The following RASSF5 variants were observed in gnomAD, a reference collection of about 807,000 sequenced individuals.
RASSF5 encodes the protein Ras association domain family member 5, also known as ras association domain-containing protein 5.
RASSF5 carries 25 observed loss-of-function variants against 40.5 expected under a neutral mutation model. The observed-to-expected ratio is 0.62, with a 90% CI of 0.45 to 0.86. The LOEUF (loss-of-function observed/expected upper bound fraction) is 0.86. Among genes scored for constraint, RASSF5 ranks in the 40% least tolerant of loss-of-function variants. The pLI is 0.00. For missense variants in RASSF5, 521 were observed against 572.8 expected, an observed-to-expected ratio of 0.91 and a Z score of 0.92; for synonymous variants, 246 against 252.4, an observed-to-expected ratio of 0.97 and a Z score of 0.24.
At chr1:206,557,829 G>T (rs917461067) in intron 2 of RASSF5, 6 of 913,798 alleles carry the variant, frequency 6.6e-6, no homozygotes, top group South Asian at 6.1e-5. Flanking sequence ...TGCCCTGAGG[G>T]CTGAGCATCG....
intron 1 of RASSF5, among the ~76,000 whole-genome samples, chr1:206,523,567 G>A (rs2103509417): frequency 1.2e-5 from 1 of 83,864 alleles, no homozygotes; most frequent in African/African-American, 5.1e-5. Context: ...CTCTAGCCTG[G>A]GTGACAGAGC....
At chr1:206,510,121 A>G (rs1439665890) in intron 1 of RASSF5, among the ~76,000 whole-genome samples, 2 of 152,250 alleles carry the variant, frequency 1.3e-5, no homozygotes, top group Non-Finnish European at 2.9e-5. Flanking sequence ...TCTGATGTGC[A>G]GATGAGGGCT....
At chr1:206,520,309 AGAAAATGG>A (rs1368150734) in intron 1 of RASSF5, among the ~76,000 whole-genome samples, 1 of 152,222 alleles carries the variant, frequency 6.6e-6, no homozygotes, top group East Asian at 1.9e-4. Context: ...GTGGCATTTA[AGAAAATGG>A]GTTTGGTGGC....
chr1:206,586,919 G>C lies in RASSF5; in HGVS notation c.1198G>C (p.Asp400His). The C allele has an allele frequency of 1.9e-6, 3 of 1,614,200 alleles. No individual in the cohort carries two copies. The highest frequency in any genetic ancestry group is 2.5e-6 in the Non-Finnish European group (3 of 1,180,024). The change falls in exon 6 of 6, where the codon GAC (aspartate) becomes CAC (histidine). Residue 400 changes from aspartate (D) to histidine (H), a missense_variant. Asp to His is a moderately conservative substitution (Grantham distance 81, BLOSUM62 -1). Coordinates refer to ENST00000579436, the MANE Select transcript of RASSF5 (RefSeq NM_182663.4). ...DKIQQVQKKY[D>H]KFRQKLEEAL... Reference sequence around the variant, plus strand: ...AATCCAACAAGTGCAAAAGAAGTATGACAAGTTTAGGCAGAAACTGGAGGA... The same window carrying C: ...AATCCAACAAGTGCAAAAGAAGTATCACAAGTTTAGGCAGAAACTGGAGGA...
intron 1 of RASSF5, among the ~76,000 whole-genome samples, chr1:206,518,718 C>CT (rs1173725238): frequency 6.6e-6 from 1 of 152,148 alleles, no homozygotes; most frequent in African/African-American, 2.4e-5. Flanking sequence ...GTGCTGTCAC[C>CT]TTGCCTGGTA....
chr1:206,528,800 G>A, intron 1 of RASSF5: 1 of 365,144 alleles, frequency 2.7e-6, no homozygotes, highest in East Asian at 4.4e-5. Flanking sequence ...CACTTTGGGA[G>A]ACTGAGGCAG....
rs1452767890 is a variant in RASSF5, at chr1:206,535,528, A to G, written c.458-2644A>G. 6.6e-6 allele frequency among the ~76,000 whole-genome samples: 1 copy of G among 152,150 alleles called. No homozygotes were observed. The highest frequency in any genetic ancestry group is 1.5e-5 in the Non-Finnish European group (1 of 68,022). On this transcript the variant is annotated intron_variant, in intron 1 of 5. Transcript: ENST00000579436. This position sits in a 1 kb window ranked among gnomAD's most constrained non-coding sequence, Gnocchi z 5.0. ...GGCATTTCCAGGACGAGGAAGTATG[A>G]AGATGTGCTTCAGAGGTTTTGCTGC...
At chr1:206,537,577 G>A (rs1170984533) in intron 1 of RASSF5, among the ~76,000 whole-genome samples, 1 of 152,108 alleles carries the variant, frequency 6.6e-6, no homozygotes, top group Non-Finnish European at 1.5e-5. Flanking sequence ...ACTTTTTTCA[G>A]ATTTGGGAAT....
rs370898662 is a variant in RASSF5, at chr1:206,584,695, G to A, written c.988+11G>A. The A allele has an allele frequency of 1.9e-6, 3 of 1,614,140 alleles. No individual in the cohort carries two copies. ...ACAAGGACGGACAAGGTAGGAGAAA[G>A]AGTGAACCCAACCAGACCGTTCCCT... On this transcript the variant is annotated intron_variant, in intron 4 of 5. Transcript: ENST00000579436. This position sits in a 1 kb window ranked among gnomAD's most constrained non-coding sequence, Gnocchi z 4.9.
chr1:206,552,549 TG>T lies in RASSF5; in HGVS notation c.579+14259del, dbSNP rs1667867934. 6.6e-6 allele frequency among the ~76,000 whole-genome samples: 1 copy of T among 152,164 alleles called. No homozygotes were observed. Among genetic ancestry groups the T allele is most frequent in the African/African-American group, 2.4e-5 (1 of 41,442 alleles). ...CTGGAGATGGGTGTGAACTGTTGGC[TG>T]GGTGTGCACCGTGAAGGGTCTTGAA... On this transcript the variant is annotated intron_variant, in intron 2 of 5. Transcript: ENST00000579436. This position sits in a 1 kb window ranked among gnomAD's most constrained non-coding sequence, Gnocchi z 4.1.
intron 1 of RASSF5, among the ~76,000 whole-genome samples, chr1:206,524,663 T>G (rs1420772855): frequency 2.0e-4 from 26 of 133,078 alleles, no homozygotes; most frequent in Non-Finnish European, 2.9e-4. Flanking sequence ...TTATGTATAA[T>G]ATATATTATA....
Position 206,584,673 on chromosome 1 carries a change from A to AG in RASSF5, c.979dup (p.Asp327GlyfsTer13), listed in dbSNP as rs1553407192. On this transcript the variant is annotated frameshift_variant, in exon 4 of 6. Transcript: ENST00000579436. LOFTEE classifies it high-confidence loss of function. The surrounding 1 kb of genome is among the most constrained non-coding windows in gnomAD (Gnocchi z 4.9). ...TTTGCACTTTTTAAGCGGATACACA[A>AG]GGACGGACAAGGTAGGAGAAAGAGT... 3.7e-6 allele frequency: 6 copies of AG among 1,614,224 alleles called. No individual in the cohort carries two copies. In the East Asian group the frequency reaches 1.1e-4, roughly 30 times the overall value.
intron 1 of RASSF5, among the ~76,000 whole-genome samples, chr1:206,532,784 TGG>T (rs1458118766): frequency 1.3e-5 from 2 of 152,168 alleles, no homozygotes; most frequent in Non-Finnish European, 2.9e-5. Flanking sequence ...CACCTTGGCC[TGG>T]GCTGGAGGAG....
chr1:206,557,225 C>T, intron 2 of RASSF5: 1 of 1,081,016 alleles, frequency 9.3e-7, no homozygotes, highest in Non-Finnish European at 1.1e-6. Flanking sequence ...GGAGATGGCG[C>T]TCTGCACGGC....
intron 2 of RASSF5, among the ~76,000 whole-genome samples, chr1:206,547,469 T>G (rs1490318640): frequency 6.6e-6 from 1 of 151,868 alleles, no homozygotes; most frequent in Non-Finnish European, 1.5e-5. Context: ...GTGCTCCTTA[T>G]GAGAATCTAA....
At chr1:206,530,738 C>T (rs1667218760) in intron 1 of RASSF5, among the ~76,000 whole-genome samples, 2 of 152,226 alleles carry the variant, frequency 1.3e-5, no homozygotes, top group South Asian at 2.1e-4. Flanking sequence ...CAGGGTTACC[C>T]CTTACAGACT....
rs999224565 is a variant in RASSF5 at position 206,513,654 on chromosome 1, C to T, written c.457+5595C>T. ...AAGGGCTGGCGGCAGCTGGGAAGGC[C>T]GGGCCTGACTGGGGAGATGGTTTTG... On this transcript the variant is annotated intron_variant, in intron 1 of 5. Transcript: ENST00000579436. The surrounding 1 kb of genome is among the most constrained non-coding windows in gnomAD (Gnocchi z 5.0). Among the ~76,000 whole-genome samples the T allele has an allele frequency of 6.6e-6, 1 of 152,198 alleles. No homozygotes were observed. Among genetic ancestry groups the T allele is most frequent in the African/African-American group, 2.4e-5 (1 of 41,444 alleles).
intron 2 of RASSF5, among the ~76,000 whole-genome samples, chr1:206,546,487 C>T (rs782215652): frequency 6.6e-5 from 10 of 152,054 alleles, no homozygotes; most frequent in Non-Finnish European, 1.5e-4. Flanking sequence ...TTCTTTTGGA[C>T]TACTTGAATG....
intron 1 of RASSF5, among the ~76,000 whole-genome samples, chr1:206,533,627 C>A (rs1182735563): frequency 6.6e-6 from 1 of 152,040 alleles, no homozygotes; most frequent in African/African-American, 2.4e-5. Context: ...TGGTGGCACA[C>A]ACCTGTAGTC....
Sources: gnomAD v4.1 joint callset for allele counts (sites outside exome capture counted in the v4.1 genomes callset) on GRCh38, gnomAD v4.1.1 for gene constraint, Gnocchi (gnomAD v3.1) non-coding constraint, MANE v1.5 for transcripts, NCBI Gene and HGNC (gene_info 2026-07-23, HGNC 2026-07-21) for gene names.